Variants in PEAK1 observed in about 807,000 individuals in gnomAD.
PEAK1 encodes inactive tyrosine-protein kinase PEAK1.
In PEAK1, 54 loss-of-function variants were observed where a neutral mutation model predicts 124.7. The observed-to-expected ratio is 0.43, with a 90% CI of 0.35 to 0.54. The LOEUF (loss-of-function observed/expected upper bound fraction) is 0.54. PEAK1 is among the 20% of genes least tolerant of loss of function. The pLI, the probability that PEAK1 is intolerant of heterozygous loss-of-function variation, is 0.01. For synonymous variants in PEAK1, 719 were observed against 760.0 expected, an observed-to-expected ratio of 0.95 and a Z score of 0.89; for missense variants, 2,046 against 2,134.5, an observed-to-expected ratio of 0.96 and a Z score of 0.82.
At chr15:77,228,477 C>T (rs1399974906) in intron 6 of PEAK1, among the ~76,000 whole-genome samples, 6 of 152,042 alleles carry the variant, frequency 3.9e-5, no homozygotes, top group Non-Finnish European at 8.8e-5. Context: ...CCTGCAAGGG[C>T]CCTTAATGTT....
intron 2 of PEAK1, among the ~76,000 whole-genome samples, chr15:77,287,598 G>C (rs909583474): frequency 2.6e-5 from 4 of 151,868 alleles, no homozygotes; most frequent in African/African-American, 9.7e-5. Flanking sequence ...AGGGTTCAGT[G>C]TTTTGCCCAC....
chr15:77,142,269 C>A (rs1161431214), intron 8 of PEAK1, among the ~76,000 whole-genome samples: 1 of 152,204 alleles, frequency 6.6e-6, no homozygotes, highest in African/African-American at 2.4e-5. Context: ...ACTGAGACAT[C>A]ATTTCACATC....
chr15:77,404,806 A>C (rs1209218761), intron 1 of PEAK1: 4 of 968,564 alleles, frequency 4.1e-6, no homozygotes, highest in Non-Finnish European at 1.2e-6. Context: ...CTGCTGCTTC[A>C]ATATGTATTC....
At chr15:77,250,283 G>A (rs189912915) in intron 6 of PEAK1, among the ~76,000 whole-genome samples, 1 of 142,816 alleles carries the variant, frequency 7.0e-6, no homozygotes, top group Non-Finnish European at 1.5e-5. Flanking sequence ...GTTTCACTCC[G>A]TCACCCAGGC....
intron 2 of PEAK1, among the ~76,000 whole-genome samples, chr15:77,336,729 G>A (rs941349611): frequency 1.5e-4 from 23 of 152,130 alleles, no homozygotes; most frequent in Non-Finnish European, 2.1e-4. Context: ...GGCACATGGA[G>A]TTGAATACAC....
intron 2 of PEAK1, chr15:77,331,142 T>G: frequency 1.9e-6 from 1 of 528,158 alleles, no homozygotes; most frequent in Non-Finnish European, 2.4e-6. Context: ...CTTATTTATT[T>G]ATTTTGAGAC....
In PEAK1 at chr15:77,179,077, C is replaced by T; in HGVS notation, c.2850G>A (p.Gly950=). ...CTGTGCCATCCAGGCCCACCAGTTT[C>T]CCTTTCTCTCGCTCTTTCTCTTTGT... ...EDDKEKEREK[G]KLVGLDGTVI... Residue 950 remains glycine, a synonymous_variant, in exon 7 of 10, where the codon GGG becomes GGA. Coordinates refer to ENST00000682557, the MANE Select transcript of PEAK1 (RefSeq NM_001385026.1). 1.2e-6 allele frequency: 2 copies of T among 1,614,184 alleles called. No individual in the cohort carries two copies. The highest frequency in any genetic ancestry group is 1.7e-6 in the Non-Finnish European group (2 of 1,180,036).
At chr15:77,407,898 T>C (rs928988140) in intron 1 of PEAK1, among the ~76,000 whole-genome samples, 16 of 142,488 alleles carry the variant, frequency 1.1e-4, no homozygotes, top group South Asian at 1.1e-3. Context: ...TATATATATA[T>C]ATACACATAT....
chr15:77,368,323 C>G (rs2068399809), intron 1 of PEAK1, among the ~76,000 whole-genome samples: 1 of 152,018 alleles, frequency 6.6e-6, no homozygotes, highest in African/African-American at 2.4e-5. Flanking sequence ...CCAGACCAGC[C>G]TGGCCAACAT....
At chr15:77,115,405 G>T in intron 9 of PEAK1, 86 bp from the exon 10 acceptor site, 1 of 1,248,302 alleles carries the variant, frequency 8.0e-7, no homozygotes, top group Non-Finnish European at 1.1e-6. Context: ...AAGGTGACTG[G>T]TTAGGGACAA....
intron 1 of PEAK1, among the ~76,000 whole-genome samples, chr15:77,407,940 T>C (rs1305041331): frequency 2.5e-5 from 2 of 81,480 alleles, no homozygotes; most frequent in Admixed American, 2.4e-4. Context: ...TACACACATA[T>C]ATACACATAT....
intron 8 of PEAK1, among the ~76,000 whole-genome samples, chr15:77,137,054 C>A (rs2053395118): frequency 6.6e-6 from 1 of 152,238 alleles, no homozygotes; most frequent in African/African-American, 2.4e-5. Flanking sequence ...AGGGTGCAAG[C>A]CCCAAGCCTT....
At chr15:77,211,848 CAAAAA>C (rs34360713) in intron 6 of PEAK1, among the ~76,000 whole-genome samples, 1 of 49,776 alleles carries the variant, frequency 2.0e-5, no homozygotes, top group African/African-American at 7.7e-5. Context: ...AACTCCATCT[CAAAAA>C]AAAAAAAAAA....
intron 1 of PEAK1, among the ~76,000 whole-genome samples, chr15:77,372,444 T>C (rs750199662): frequency 6.6e-6 from 1 of 152,112 alleles, no homozygotes; most frequent in Non-Finnish European, 1.5e-5. Context: ...TGGGCAGCAG[T>C]TTTATGTCAT....
chr15:77,236,907 C>T (rs1025645366), intron 6 of PEAK1, among the ~76,000 whole-genome samples: 33 of 152,108 alleles, frequency 2.2e-4, no homozygotes, highest in African/African-American at 7.7e-4. Context: ...CTTTTCCTTC[C>T]TGCTGCCTTG....
At position 77,345,655 on chromosome 15, in the gene PEAK1, A is replaced by G. The variant is rs533761243; in HGVS notation, c.-603+19508T>C. ...AACCCAGAATTGGTATACTGTTTATATAACACCCATTGATTAATAGCACAG... is the reference window on the plus strand; with the variant it reads ...AACCCAGAATTGGTATACTGTTTATGTAACACCCATTGATTAATAGCACAG... On this transcript the variant is annotated intron_variant, in intron 2 of 9. Transcript: ENST00000682557. Among the ~76,000 whole-genome samples the G allele has an allele frequency of 3.3e-5, 5 of 152,338 alleles. No individual in the cohort carries two copies. The East Asian group carries it at 5.8e-4, about 18-fold the overall frequency.
At chr15:77,239,261 G>A (rs958276314) in intron 6 of PEAK1, among the ~76,000 whole-genome samples, 2 of 152,066 alleles carry the variant, frequency 1.3e-5, no homozygotes, top group South Asian at 2.1e-4. Flanking sequence ...GTAAGAAGGG[G>A]GTGTTTATCC....
chr15:77,260,866 AC>A (rs1295745776), intron 5 of PEAK1, among the ~76,000 whole-genome samples: 1 of 151,948 alleles, frequency 6.6e-6, no homozygotes, highest in African/African-American at 2.4e-5. Context: ...ACTGGGAGGC[AC>A]CCCCCAGTAG....
At chr15:77,262,810 G>T (rs1162047141) in intron 5 of PEAK1, among the ~76,000 whole-genome samples, 3 of 151,786 alleles carry the variant, frequency 2.0e-5, no homozygotes, top group Non-Finnish European at 4.4e-5. Flanking sequence ...ATTTTTTTCA[G>T]CACCACACCA....
Sources: allele counts gnomAD v4.1 joint callset (sites outside exome capture counted in the v4.1 genomes callset), GRCh38; gene constraint gnomAD v4.1.1; transcripts MANE v1.5; gene names NCBI Gene and HGNC (gene_info 2026-07-23, HGNC 2026-07-21).